MTX1: variants seen among roughly 807,000 people sequenced by gnomAD.
MTX1 encodes metaxin-1.
Under a neutral mutation model 39.4 loss-of-function variants are expected in MTX1, and 20 were observed. The observed-to-expected ratio is 0.51, with a 90% CI of 0.36 to 0.74. MTX1 has a LOEUF of 0.74. Ranked by LOEUF, MTX1 falls within the 30% of genes least tolerant of loss-of-function variation. MTX1 has a pLI of 0.00. For missense variants in MTX1, 481 were observed against 485.9 expected (o/e 0.99, Z 0.10); for synonymous variants, 209 against 198.6 (o/e 1.05, Z -0.44).
chr1:155,210,255 C>T (rs1403372306), intron 1 of MTX1, 91 bp from the exon 2 acceptor site: 13 of 1,117,890 alleles, frequency 1.2e-5, no homozygotes, highest in Non-Finnish European at 1.5e-5. Flanking sequence ...GGGAATGGCA[C>T]ATAAGGTATT....
At chr1:155,210,706 G>C (rs1267755062) in intron 3 of MTX1, 79 bp downstream of exon 3, 1 of 1,325,150 alleles carries the variant, frequency 7.5e-7, no homozygotes, top group Non-Finnish European at 1.1e-6. Flanking sequence ...TTGAGCACCA[G>C]ATATATGCCA....
chr1:155,210,309 G>A (rs374965378), intron 1 of MTX1, 37 bp from the exon 2 acceptor site: 50 of 1,570,284 alleles, frequency 3.2e-5, no homozygotes, highest in Non-Finnish European at 4.1e-5. Context: ...TGGGGGACAT[G>A]GCTCTGCCTC....
chr1:155,210,513 A>C, intron 2 of MTX1, 35 bp from the exon 3 acceptor site: 2 of 1,610,926 alleles, frequency 1.2e-6, no homozygotes, highest in South Asian at 2.2e-5. Context: ...TAGGCAGCTA[A>C]GGGTCTGGTT....
chr1:155,208,786 A>G lies in MTX1; in HGVS notation c.-19A>G. The G allele has an allele frequency of 6.6e-7, 1 of 1,505,366 alleles. No individual in the cohort carries two copies. Among genetic ancestry groups the G allele is most frequent in the Non-Finnish European group, 8.9e-7 (1 of 1,124,810 alleles). 93.3% of individuals were successfully genotyped at this position (1,505,366 alleles called of 1,614,324 possible). The stretch of plus-strand genomic sequence containing the variant: ...AGGCGGCGCAGGGCCCGCTCCAAAC[A>G]TAACGCGCTGTGGAAAACATGCTGC... On this transcript the variant is annotated 5_prime_UTR_variant, in exon 1 of 8. Coordinates refer to ENST00000368376, the MANE Select transcript of MTX1 (RefSeq NM_002455.5).
In MTX1 at chr1:155,209,521, C is replaced by G. The variant is rs75238698; in HGVS notation, c.528+189C>G. On this transcript the variant is annotated intron_variant, in intron 1 of 7. Coordinates refer to ENST00000368376, the MANE Select transcript of MTX1 (RefSeq NM_002455.5). ...CTGTAGTTTTCTAGGCTTAATGCAG[C>G]AATGAAAAGACGCCTGGTTGGGAGT... is the stretch of plus-strand genomic sequence containing the variant. Among the ~76,000 whole-genome samples, 495 of 152,342 alleles carry G rather than the reference C, an allele frequency of 3.2e-3. 1 individual carries two copies. The highest frequency in any genetic ancestry group is 5.7e-3 in the Non-Finnish European group (390 of 68,026).
chr1:155,212,029 A>G, intron 3 of MTX1, 98 bp from the exon 4 acceptor site: 1 of 1,083,172 alleles, frequency 9.2e-7, no homozygotes, highest in Non-Finnish European at 1.3e-6. Context: ...CACTGCACTC[A>G]GAGGCCAGTG....
At chr1:155,210,651 C>T (rs1422920659) in intron 3 of MTX1, 24 bp downstream of exon 3, 2 of 1,600,544 alleles carry the variant, frequency 1.2e-6, no homozygotes, top group African/African-American at 2.7e-5. Flanking sequence ...ATAGAGGGGG[C>T]TGCCAGTGAG....
chr1:155,209,059 G>A lies in MTX1; in HGVS notation c.255G>A (p.Pro85=), dbSNP rs1670941360. ...GCCACCTCTGGATGGGCCGGCGGCCGCCCTCCCCCGAGGCCCGCGGCCCAG... is the reference window on the plus strand; with the variant it reads ...GCCACCTCTGGATGGGCCGGCGGCCACCCTCCCCCGAGGCCCGCGGCCCAG... The part of the protein sequence containing the change: ...YVGHLWMGRR[P]PSPEARGPVP... Residue 85 remains proline (P), a synonymous_variant, in exon 1 of 8, where the codon CCG becomes CCA. Transcript: ENST00000368376. 6.5e-7 allele frequency: 1 copy of A among 1,538,048 alleles called. No homozygotes were observed. Among genetic ancestry groups the A allele is most frequent in the Non-Finnish European group, 8.8e-7 (1 of 1,141,598 alleles).
At chr1:155,209,420 A>T (rs940867154) in intron 1 of MTX1, 88 bp downstream of exon 1, 21 of 1,307,998 alleles carry the variant, frequency 1.6e-5, no homozygotes, top group Non-Finnish European at 1.9e-5. Context: ...TGCCAGGGCT[A>T]CTCAGCACGG....
Position 155,212,139 on chromosome 1 carries a change from G to T in MTX1, c.691G>T (p.Asp231Tyr), listed in dbSNP as rs1345687958. Residue 231 changes from aspartate to tyrosine, a missense_variant, in exon 4 of 8, where the codon GAT becomes TAT. By Grantham distance (160) the Asp-to-Tyr change is radical. Around this residue, in one of 2 missense-constraint regions of MTX1, gnomAD observed 368 missense variants for 332.8 expected, o/e 1.11. Transcript: ENST00000368376. ...THLRKEKYNA[D>Y]YDLSARQGAD... ...ATTTCCTCCACAGAAGTACAATGCT[G>T]ATTATGATCTGTCAGCTCGGCAAGG... 1 of 1,608,662 alleles carries T rather than the reference G, an allele frequency of 6.2e-7. No homozygotes were observed. Among genetic ancestry groups the T allele is most frequent in the Non-Finnish European group, 8.5e-7 (1 of 1,177,316 alleles).
Position 155,209,263 on chromosome 1 carries a change from C to T in MTX1, c.459C>T (p.Pro153=), listed in dbSNP as rs1448749796. The change falls in exon 1 of 8, where the codon CCC becomes CCT. Residue 153 remains proline (P), a synonymous_variant. Coordinates refer to ENST00000368376, the MANE Select transcript of MTX1 (RefSeq NM_002455.5). ...AGAGGGTGGGCAAGATGGCGGCGCCCATGGAGCTGTTCTGCTGGTCAGGGG... is the reference window on the plus strand; with the variant it reads ...AGAGGGTGGGCAAGATGGCGGCGCCTATGGAGCTGTTCTGCTGGTCAGGGG... ...PGQRVGKMAA[P]MELFCWSGGW... is the part of the protein sequence containing the mutation. 6.9e-7 allele frequency: 1 copy of T among 1,449,816 alleles called. No homozygotes were observed. Among genetic ancestry groups the T allele is most frequent in the Non-Finnish European group, 9.1e-7 (1 of 1,098,218 alleles). 89.8% of individuals were successfully genotyped at this position (1,449,816 alleles called of 1,614,324 possible). A position where few individuals can be genotyped will look rare whatever the true frequency, so the allele number is the denominator to read the frequency against.
In MTX1 at chr1:155,209,164, G is replaced by A. The variant is rs1474088766; in HGVS notation, c.360G>A (p.Thr120=). The stretch of plus-strand genomic sequence containing the variant: ...TCTCCCCAGGCCCCCTGACCGCAAC[G>A]ATCGGAGGGGCGGTGGCGGGGGGCG... ...PGISPGPLTA[T]IGGAVAGGGP... The change falls in exon 1 of 8, where the codon ACG becomes ACA. Residue 120 remains threonine (T), a synonymous_variant. Transcript: ENST00000368376. The A allele has an allele frequency of 2.7e-6, 4 of 1,498,992 alleles. No individual in the cohort carries two copies. The highest frequency in any genetic ancestry group is 4.1e-4 in the Middle Eastern group (2 of 4,912). The allele number at this position is 1,498,992 out of a possible 1,614,324, so 92.9% of individuals were successfully genotyped here.
At chr1:155,210,798 A>T (rs1671107466) in intron 3 of MTX1, 171 bp downstream of exon 3, 2 of 655,766 alleles carry the variant, frequency 3.0e-6, no homozygotes, top group Non-Finnish European at 5.3e-6. Flanking sequence ...GATGTATTAA[A>T]GCAGTCGGCA....
At chr1:155,212,897 C>T in intron 6 of MTX1, 127 bp downstream of exon 6, 2 of 1,316,414 alleles carry the variant, frequency 1.5e-6, no homozygotes, top group Non-Finnish European at 2.0e-6. Flanking sequence ...GGGATAGAAA[C>T]TGGCCCTAGT....
chr1:155,209,195 A>C lies in MTX1; in HGVS notation c.391A>C (p.Arg131=). The part of the protein sequence containing the change: ...IGGAVAGGGP[R]QGRAEAHKEV... ...AGGGGCGGTGGCGGGGGGCGGGCCCAGGCAGGGGAGGGCAGAAGCACACAA... is the reference window on the plus strand; with the variant it reads ...AGGGGCGGTGGCGGGGGGCGGGCCCCGGCAGGGGAGGGCAGAAGCACACAA... Residue 131 remains arginine, a synonymous_variant, in exon 1 of 8, where the codon AGG becomes CGG. Coordinates refer to ENST00000368376, the MANE Select transcript of MTX1 (RefSeq NM_002455.5). 2.7e-6 allele frequency: 4 copies of C among 1,469,784 alleles called. No individual in the cohort carries two copies. The highest frequency in any genetic ancestry group is 1.8e-6 in the Non-Finnish European group (2 of 1,108,962). 91.0% of individuals were successfully genotyped at this position (1,469,784 alleles called of 1,614,324 possible). A position where few individuals can be genotyped will look rare whatever the true frequency, so the allele number is the denominator to read the frequency against.
rs1469953210 is a variant in MTX1 at position 155,213,515 on chromosome 1, A to G, written c.1218A>G (p.Ala406=). The G allele has an allele frequency of 3.0e-5, 5 of 163,954 alleles. No individual in the cohort carries two copies. The highest frequency in any genetic ancestry group is 1.6e-3 in the Middle Eastern group (1 of 622). 10.2% of individuals were successfully genotyped at this position (163,954 alleles called of 1,614,324 possible). ...TACCACCGCAACGCCAGACACCAGC[A>G]GGCCCAGAGACTGAGGAGGAGCCAT... The part of the protein sequence containing the change: ...AEVPPQRQTP[A]GPETEEEPYR... The change falls in exon 8 of 8, where the codon GCA becomes GCG. Residue 406 remains alanine, a synonymous_variant. Transcript: ENST00000368376.
rs772932382 is a variant in MTX1 at position 155,209,296 on chromosome 1, G to T, written c.492G>T (p.Gly164=). 1.4e-6 allele frequency: 2 copies of T among 1,438,344 alleles called. No individual in the cohort carries two copies. Among genetic ancestry groups the T allele is most frequent in the African/African-American group, 1.5e-5 (1 of 68,492 alleles). The allele number at this position is 1,438,344 out of a possible 1,614,324, so 89.1% of individuals were successfully genotyped here. Reference sequence around the variant, plus strand: ...TGTTCTGCTGGTCAGGGGGCTGGGGGCTGCCGTCAGTGGACCTGGACAGCC... The same window carrying T: ...TGTTCTGCTGGTCAGGGGGCTGGGGTCTGCCGTCAGTGGACCTGGACAGCC... The part of the protein sequence containing the change: ...MELFCWSGGW[G]LPSVDLDSLA... Residue 164 remains glycine (G), a synonymous_variant, in exon 1 of 8, where the codon GGG becomes GGT. Transcript: ENST00000368376.
At chr1:155,212,079 T>G (rs769773020) in intron 3 of MTX1, 48 bp from the exon 4 acceptor site, 85 of 1,517,200 alleles carry the variant, frequency 5.6e-5, no homozygotes, top group Non-Finnish European at 7.2e-5. Flanking sequence ...CCTGGTGAAG[T>G]GCCCTTGCAG....
At position 155,209,031 on chromosome 1, in the gene MTX1, TG is replaced by T. The variant is rs776890789; in HGVS notation, c.230del (p.Gly77AlafsTer41). On this transcript the variant is annotated frameshift_variant, in exon 1 of 8. Coordinates refer to ENST00000368376, the MANE Select transcript of MTX1 (RefSeq NM_002455.5). LOFTEE classifies it high-confidence loss of function. ...RAGPTALSRY[V>X]GHLWMGRRPP... ...GGGCCGACAGCGCTGTCCCGCTACG[TG>T]GGCCACCTCTGGATGGGCCGGCGGC... The T allele has an allele frequency of 8.3e-6, 13 of 1,567,122 alleles. No individual in the cohort carries two copies. Among genetic ancestry groups the T allele is most frequent in the Non-Finnish European group, 1.1e-5 (13 of 1,157,190 alleles).
Sources: gnomAD v4.1 joint callset for allele counts (sites outside exome capture counted in the v4.1 genomes callset) on GRCh38, gnomAD v4.1.1 for gene constraint, gnomAD v4.1.1 regional missense constraint, MANE v1.5 for transcripts, NCBI Gene and HGNC (gene_info 2026-07-23, HGNC 2026-07-21) for gene names.